SLC9A4: variants seen among roughly 807,000 people sequenced by gnomAD.
The protein encoded by SLC9A4 is sodium/hydrogen exchanger 4.
In SLC9A4, 63 loss-of-function variants were observed where a neutral mutation model predicts 67.4. The observed-to-expected ratio is 0.93, with a 90% CI of 0.76 to 1.15. The LOEUF (loss-of-function observed/expected upper bound fraction) is 1.15, where lower values mean the gene tolerates loss of function less well. SLC9A4 is among the 50% of genes most tolerant of loss of function. SLC9A4 has a pLI of 0.00. For missense variants in SLC9A4, 1,089 were observed against 987.7 expected, an observed-to-expected ratio of 1.10 and a Z score of -1.38; for synonymous variants, 393 against 367.2, an observed-to-expected ratio of 1.07 and a Z score of -0.80.
At chr2:102,500,525 C>A (rs1684908480) in intron 2 of SLC9A4, among the ~76,000 whole-genome samples, 1 of 152,230 alleles carries the variant, frequency 6.6e-6, no homozygotes, top group Non-Finnish European at 1.5e-5. Flanking sequence ...CACTGTGCAA[C>A]CTCCTCGTGT....
chr2:102,513,564 G>T (rs1457346029), intron 7 of SLC9A4, among the ~76,000 whole-genome samples: 2 of 151,974 alleles, frequency 1.3e-5, no homozygotes, highest in East Asian at 1.9e-4. Flanking sequence ...CATACGTAGG[G>T]TTTTTTTCTT....
Position 102,532,930 on chromosome 2 carries a change from AC to A in SLC9A4, c.*246del. The A allele has an allele frequency of 2.5e-6, 1 of 402,584 alleles. No individual in the cohort carries two copies. The highest frequency in any genetic ancestry group is 4.5e-6 in the Non-Finnish European group (1 of 223,546). 24.9% of individuals were successfully genotyped at this position (402,584 alleles called of 1,614,324 possible). ...TCCCTGTGAGTGAGAGAAGTTGATC[AC>A]CCCAGGAATTAGTCACTAAGAATTC... On this transcript the variant is annotated 3_prime_UTR_variant, in exon 12 of 12. Coordinates refer to ENST00000295269, the MANE Select transcript of SLC9A4 (RefSeq NM_001011552.4).
rs1684408007 is a variant in SLC9A4, at chr2:102,479,300, G to A, written c.718G>A (p.Val240Met). 2 of 1,602,844 alleles carry A rather than the reference G, an allele frequency of 1.2e-6. No individual in the cohort carries two copies. The highest frequency in any genetic ancestry group is 1.7e-5 in the Admixed American group (1 of 59,890). ...GEALLNDGIT[V>M]VLYNMLIAFT... ...GGCCCTGCTCAATGATGGCATTACT[G>A]TGGTGAGATGTCATGTGCCCGCCCG... The change falls in exon 2 of 12, where the codon GTG becomes ATG. Residue 240 changes from valine (V) to methionine (M), a missense_variant and splice_region_variant. Physicochemically the swap from Val to Met is conservative, Grantham distance 21 (BLOSUM62 1). Coordinates refer to ENST00000295269, the MANE Select transcript of SLC9A4 (RefSeq NM_001011552.4).
intron 6 of SLC9A4, among the ~76,000 whole-genome samples, chr2:102,509,930 G>A (rs865800747): frequency 6.6e-6 from 1 of 152,038 alleles, no homozygotes; most frequent in African/African-American, 2.4e-5. Context: ...GGTTCCAAGG[G>A]CTGGGAATCC....
At chr2:102,480,975 T>C (rs774628168) in intron 2 of SLC9A4, among the ~76,000 whole-genome samples, 25 of 152,158 alleles carry the variant, frequency 1.6e-4, no homozygotes, top group Non-Finnish European at 3.2e-4. Context: ...TCCCTGGTTC[T>C]CACAGGAGGA....
At chr2:102,514,019 A>C in intron 7 of SLC9A4, 71 bp from the exon 8 acceptor site, 1 of 1,536,904 alleles carries the variant, frequency 6.5e-7, no homozygotes, top group East Asian at 2.3e-5. Flanking sequence ...AGTTTGTTTC[A>C]AGAGAAATGC....
chr2:102,502,389 G>A (rs1684960066), intron 2 of SLC9A4, among the ~76,000 whole-genome samples: 1 of 152,316 alleles, frequency 6.6e-6, no homozygotes, highest in East Asian at 1.9e-4. Context: ...GAAATGATGT[G>A]TATGGAGGGT....
chr2:102,474,116 A>C (rs79463214), intron 1 of SLC9A4, 101 bp downstream of exon 1: 47,483 of 1,335,722 alleles, frequency 0.036, 3,221 homozygotes, highest in Admixed American at 0.3. Flanking sequence ...TTTAACTGTT[A>C]CTGCTATTAC....
chr2:102,502,062 G>C (rs1684953090), intron 2 of SLC9A4, among the ~76,000 whole-genome samples: 1 of 152,120 alleles, frequency 6.6e-6, no homozygotes, highest in Admixed American at 6.5e-5. Context: ...CCTCTGCTCT[G>C]ATTTTTTGCA....
Position 102,478,823 on chromosome 2 carries a change from C to T in SLC9A4, c.257-16C>T. ...TTTCGTTTGCAAGCACCTAACTGCT[C>T]TTCGCTGTTCTGCAGGCTTCCACCT... On this transcript the variant is annotated splice_polypyrimidine_tract_variant and intron_variant, in intron 1 of 11. Transcript: ENST00000295269. 1.2e-6 allele frequency: 2 copies of T among 1,609,980 alleles called. No homozygotes were observed. The highest frequency in any genetic ancestry group is 1.7e-6 in the Non-Finnish European group (2 of 1,177,734).
chr2:102,505,942 A>C (rs1402298994), intron 4 of SLC9A4: 2 of 160,700 alleles, frequency 1.2e-5, no homozygotes, highest in Non-Finnish European at 2.7e-5. Context: ...GATAAGTGAG[A>C]TCTCACAAAT....
chr2:102,499,021 A>G (rs1684867516), intron 2 of SLC9A4, among the ~76,000 whole-genome samples: 1 of 152,188 alleles, frequency 6.6e-6, no homozygotes, highest in Admixed American at 6.5e-5. Context: ...TTCCAGGGGA[A>G]GGAGAGAGGG....
At chr2:102,500,323 C>T (rs1044090179) in intron 2 of SLC9A4, among the ~76,000 whole-genome samples, 2 of 152,088 alleles carry the variant, frequency 1.3e-5, no homozygotes, top group African/African-American at 4.8e-5. Context: ...CTTCAGGGGG[C>T]GCGTAGCACT....
In SLC9A4 at chr2:102,498,206, T is replaced by G. The variant is rs375037684; in HGVS notation, c.721-5242T>G. 2.0e-5 allele frequency among the ~76,000 whole-genome samples: 3 copies of G among 152,350 alleles called. No homozygotes were observed. The East Asian group carries it at 5.8e-4, about 29-fold the overall frequency. On this transcript the variant is annotated intron_variant, in intron 2 of 11. Transcript: ENST00000295269. ...CAAAGAAAATCTTTTGCAACTATAATGTTACCCAGAGCCTGGTAATTTGAA... is the reference window on the plus strand; with the variant it reads ...CAAAGAAAATCTTTTGCAACTATAAGGTTACCCAGAGCCTGGTAATTTGAA...
chr2:102,514,888 G>A (rs1685245051), intron 8 of SLC9A4, among the ~76,000 whole-genome samples: 1 of 152,198 alleles, frequency 6.6e-6, no homozygotes, highest in Non-Finnish European at 1.5e-5. Flanking sequence ...GACATAGGGA[G>A]GGGTGATACT....
intron 8 of SLC9A4, among the ~76,000 whole-genome samples, chr2:102,519,439 A>G (rs545439639): frequency 1.3e-5 from 2 of 152,338 alleles, no homozygotes; most frequent in Admixed American, 1.3e-4. Flanking sequence ...CAAAACTAGC[A>G]AAGAGTTTGT....
chr2:102,500,126 G>T (rs1684894593), intron 2 of SLC9A4, among the ~76,000 whole-genome samples: 1 of 152,124 alleles, frequency 6.6e-6, no homozygotes, highest in African/African-American at 2.4e-5. Context: ...GACTATGGTG[G>T]GCCCTAATCC....
intron 2 of SLC9A4, among the ~76,000 whole-genome samples, chr2:102,502,005 C>G (rs148573662): frequency 6.6e-6 from 1 of 152,084 alleles, no homozygotes; most frequent in East Asian, 1.9e-4. Context: ...TTCTGCAGCA[C>G]GCAGAATACC....
chr2:102,530,145 G>T (rs1393315722), intron 11 of SLC9A4, among the ~76,000 whole-genome samples: 2 of 152,182 alleles, frequency 1.3e-5, no homozygotes, highest in Non-Finnish European at 2.9e-5. Flanking sequence ...GAGGTGGGGA[G>T]TGTTGCACTC....
Sources: allele counts gnomAD v4.1 joint callset (sites outside exome capture counted in the v4.1 genomes callset), GRCh38; gene constraint gnomAD v4.1.1; transcripts MANE v1.5; gene names NCBI Gene and HGNC (gene_info 2026-07-23, HGNC 2026-07-21).